The following ITGB6 variants were observed in gnomAD, a reference collection of about 807,000 sequenced individuals.
ITGB6 encodes integrin beta-6.
ITGB6 carries 80 observed loss-of-function variants against 84.5 expected under a neutral mutation model. That is an observed-to-expected ratio of 0.95 (90% confidence interval 0.79 to 1.14). The LOEUF (loss-of-function observed/expected upper bound fraction) is 1.14. ITGB6 is among the 50% of genes most tolerant of loss of function. The pLI, the probability that ITGB6 is intolerant of heterozygous loss-of-function variation, is 0.00. For synonymous variants in ITGB6, 383 were observed against 354.9 expected (o/e 1.08, Z -0.89); for missense variants, 1,006 against 968.0 (o/e 1.04, Z -0.52).
intron 7 of ITGB6, among the ~76,000 whole-genome samples, chr2:160,143,987 C>T (rs955752788): frequency 3.3e-5 from 5 of 152,030 alleles, no homozygotes; most frequent in Middle Eastern, 3.2e-3. Context: ...TCAGTGGTCA[C>T]GATTGTGTTG....
chr2:160,116,572 A>G (rs1682779381), intron 12 of ITGB6, among the ~76,000 whole-genome samples: 1 of 152,234 alleles, frequency 6.6e-6, no homozygotes, highest in African/African-American at 2.4e-5. Flanking sequence ...CCAAAATGTA[A>G]AGACCATCAA....
intron 4 of ITGB6, among the ~76,000 whole-genome samples, chr2:160,176,624 T>C (rs1685429235): frequency 6.6e-6 from 1 of 152,202 alleles, no homozygotes; most frequent in African/African-American, 2.4e-5. Context: ...TACAGCACGA[T>C]GAGCTTTTCA....
At chr2:160,108,372 A>T (rs908255152) in intron 13 of ITGB6, among the ~76,000 whole-genome samples, 1 of 152,112 alleles carries the variant, frequency 6.6e-6, no homozygotes, top group Non-Finnish European at 1.5e-5. Context: ...TTCTTTCTTT[A>T]TAGACAGAAG....
chr2:160,161,790 T>C (rs1684827018), intron 7 of ITGB6, among the ~76,000 whole-genome samples: 1 of 152,184 alleles, frequency 6.6e-6, no homozygotes, highest in African/African-American at 2.4e-5. Context: ...ACTACATTAC[T>C]GGTGGGAGAG....
At chr2:160,199,328 C>T (rs994230745) in intron 1 of ITGB6, 70 bp from the exon 2 acceptor site, 3 of 1,135,018 alleles carry the variant, frequency 2.6e-6, no homozygotes, top group Non-Finnish European at 2.7e-6. Context: ...AGACTGATGG[C>T]TCTTACATTA....
chr2:160,169,365 G>T, intron 6 of ITGB6, 58 bp from the exon 7 acceptor site: 1 of 1,007,868 alleles, frequency 9.9e-7, no homozygotes, highest in Admixed American at 2.2e-5. Context: ...AATAAAGAAA[G>T]GAATATTTAT....
chr2:160,136,087 T>C (rs766945570), intron 10 of ITGB6, among the ~76,000 whole-genome samples: 3,252 of 151,944 alleles, frequency 0.021, 50 homozygotes, highest in Non-Finnish European at 0.032. Flanking sequence ...TTCTGCACAG[T>C]AAAAGAAACT....
intron 7 of ITGB6, among the ~76,000 whole-genome samples, chr2:160,167,778 T>C (rs894217003): frequency 7.9e-5 from 12 of 152,170 alleles, no homozygotes; most frequent in African/African-American, 2.9e-4. Context: ...TTAAAGACTA[T>C]TACCAAAGTG....
intron 4 of ITGB6, among the ~76,000 whole-genome samples, chr2:160,179,436 T>C (rs905256889): frequency 4.7e-5 from 7 of 149,642 alleles, no homozygotes; most frequent in African/African-American, 1.7e-4. Context: ...TCGCCCAGGC[T>C]GGAATGCGGT....
intron 7 of ITGB6, among the ~76,000 whole-genome samples, chr2:160,152,139 A>G (rs1352612711): frequency 6.6e-6 from 1 of 152,202 alleles, no homozygotes. Flanking sequence ...GCAGAGACAC[A>G]ACAAAAAAAG....
intron 11 of ITGB6, 32 bp from the exon 12 acceptor site, chr2:160,123,920 A>G (rs1386024507): frequency 1.3e-6 from 2 of 1,503,792 alleles, no homozygotes; most frequent in Non-Finnish European, 9.2e-7. Flanking sequence ...GTATCAGTTC[A>G]TGCTGGTGGA....
At chr2:160,106,478 A>G (rs1001351181) in intron 14 of ITGB6, among the ~76,000 whole-genome samples, 2 of 152,088 alleles carry the variant, frequency 1.3e-5, no homozygotes, top group African/African-American at 4.8e-5. Flanking sequence ...AAGTGATCCA[A>G]TCCTCCTGTC....
chr2:160,119,371 A>G (rs1467624452), intron 12 of ITGB6, among the ~76,000 whole-genome samples: 2 of 152,116 alleles, frequency 1.3e-5, no homozygotes, highest in African/African-American at 4.8e-5. Flanking sequence ...GCATATCTAC[A>G]ACTATCTGAT....
intron 7 of ITGB6, among the ~76,000 whole-genome samples, chr2:160,165,424 A>G (rs933244149): frequency 2.6e-5 from 4 of 152,334 alleles, no homozygotes; most frequent in South Asian, 2.1e-4. Context: ...ATCTTTTCCA[A>G]CAGGAACATT....
In ITGB6 at chr2:160,101,671, AAAATT is replaced by A. The variant is rs1226130467; in HGVS notation, c.*60_*64del. 4 of 928,900 alleles carry A rather than the reference AAAATT, an allele frequency of 4.3e-6. No individual in the cohort carries two copies. In the South Asian group the frequency reaches 5.6e-5, roughly 13 times the overall value. 57.5% of individuals were successfully genotyped at this position (928,900 alleles called of 1,614,324 possible). A position where few individuals can be genotyped will look rare whatever the true frequency, so the allele number is the denominator to read the frequency against. On this transcript the variant is annotated 3_prime_UTR_variant, in exon 15 of 15. Transcript: ENST00000283249. ...CTCATTTTGAAGCAACAAAGAGAAAAAAATTAAATAGTGCATTAACATTTCATATC... is the reference window on the plus strand; with the variant it reads ...CTCATTTTGAAGCAACAAAGAGAAAAAAATAGTGCATTAACATTTCATATC...
Position 160,107,750 on chromosome 2 carries a change from G to A in ITGB6, c.2197C>T (p.Leu733=). 6.2e-7 allele frequency: 1 copy of A among 1,614,048 alleles called. No individual in the cohort carries two copies. Among genetic ancestry groups the A allele is most frequent in the South Asian group, 1.1e-5 (1 of 91,070 alleles). The change falls in exon 14 of 15, where the codon CTG becomes TTG. Residue 733 remains leucine, a synonymous_variant. Coordinates refer to ENST00000283249, the MANE Select transcript of ITGB6 (RefSeq NM_000888.5). The part of the protein sequence containing the change: ...GVVLLCIWKL[L]VSFHDRKEVA... ...TCTTTACGATCATGAAATGACACCAGTAGCTTCCAGATGCACAGTAGGACA... is the reference window on the plus strand; with the variant it reads ...TCTTTACGATCATGAAATGACACCAATAGCTTCCAGATGCACAGTAGGACA...
chr2:160,190,889 G>A (rs1266511705), intron 4 of ITGB6, among the ~76,000 whole-genome samples: 5 of 152,084 alleles, frequency 3.3e-5, no homozygotes, highest in South Asian at 2.1e-4. Context: ...TTGCTACATC[G>A]TACCTGATCT....
intron 4 of ITGB6, among the ~76,000 whole-genome samples, chr2:160,181,232 C>T (rs1330209081): frequency 6.6e-6 from 1 of 152,306 alleles, no homozygotes; most frequent in East Asian, 1.9e-4. Flanking sequence ...AAGCTAAGAT[C>T]CACTGGCTTG....
At chr2:160,155,957 G>T (rs1389000483) in intron 7 of ITGB6, among the ~76,000 whole-genome samples, 1 of 152,188 alleles carries the variant, frequency 6.6e-6, no homozygotes, top group African/African-American at 2.4e-5. Context: ...TAGTAGAAGT[G>T]TAAATTGGTA....
Sources: gnomAD v4.1 joint callset for allele counts (sites outside exome capture counted in the v4.1 genomes callset) on GRCh38, gnomAD v4.1.1 for gene constraint, MANE v1.5 for transcripts, NCBI Gene and HGNC (gene_info 2026-07-23, HGNC 2026-07-21) for gene names.